HIVEP2: variants seen among roughly 807,000 people sequenced by gnomAD.
HIVEP2 encodes transcription factor HIVEP2.
A neutral mutation model predicts 180.7 loss-of-function variants in HIVEP2; 14 were observed. The observed-to-expected ratio is 0.08, with a 90% CI of 0.05 to 0.12. The LOEUF (loss-of-function observed/expected upper bound fraction) is 0.12, where lower values mean the gene tolerates loss of function less well. Among genes scored for constraint, HIVEP2 ranks in the 10% least tolerant of loss-of-function variants. The pLI, the probability that HIVEP2 is intolerant of heterozygous loss-of-function variation, is 1.00. For synonymous variants in HIVEP2, 1,184 were observed against 1,136.4 expected (o/e 1.04, Z -0.84); for missense variants, 2,579 against 3,008.5 (o/e 0.86, Z 3.34).
chr6:142,867,155 A>C (rs887588827), intron 1 of HIVEP2, among the ~76,000 whole-genome samples: 7 of 152,256 alleles, frequency 4.6e-5, no homozygotes, highest in African/African-American at 1.7e-4. Flanking sequence ...AGGAAGCATC[A>C]CTGTCTATAT....
At position 142,774,022 on chromosome 6, in the gene HIVEP2, A is replaced by C; in HGVS notation, c.717T>G (p.His239Gln). The C allele has an allele frequency of 6.2e-7, 1 of 1,614,280 alleles. No homozygotes were observed. Among genetic ancestry groups the C allele is most frequent in the East Asian group, 2.2e-5 (1 of 44,884 alleles). The change falls in exon 5 of 10, where the codon CAT becomes CAG. Residue 239 changes from histidine (H) to glutamine (Q), a missense_variant. By Grantham distance (24) the His-to-Gln change is conservative. Around this residue, in one of 11 missense-constraint regions of HIVEP2, gnomAD observed 142 missense variants for 135.2 expected, o/e 1.05. Coordinates refer to ENST00000367603, the MANE Select transcript of HIVEP2 (RefSeq NM_006734.4). The surrounding 1 kb of genome is among the most constrained non-coding windows in gnomAD (Gnocchi z 5.1). ...KSNLYKHRKS[H>Q]AHAIKAGLVP... ...CTAATCCTGCCTTAATTGCATGGGC[A>C]TGTGACTTCCTGTGCTTGTACAAAT...
rs546951996 is a variant in HIVEP2, at chr6:142,758,826, C to T, written c.6516+946G>A. ...TTCTCACTTAGCTCTCCTGATTTCC[C>T]GTTCTCCTTGGGCCCACGCTTCCAC... On this transcript the variant is annotated intron_variant, in intron 9 of 9. Transcript: ENST00000367603. 1.6e-4 allele frequency among the ~76,000 whole-genome samples: 25 copies of T among 152,178 alleles called. No individual in the cohort carries two copies. In the South Asian group the frequency reaches 4.0e-3, roughly 24 times the overall value.
chr6:142,926,346 A>G lies in HIVEP2; in HGVS notation c.-641+18753T>C, dbSNP rs536933664. Among the ~76,000 whole-genome samples, 5 of 152,356 alleles carry G rather than the reference A, an allele frequency of 3.3e-5. No homozygotes were observed. The East Asian group carries it at 9.6e-4, about 29-fold the overall frequency. On this transcript the variant is annotated intron_variant, in intron 1 of 9. Transcript: ENST00000367603. The stretch of plus-strand genomic sequence containing the variant: ...TCCCTAAATAACAACAGCTAAAATC[A>G]TGAACACTGAGATCATTTTCTTGTA...
At chr6:142,760,734 C>T in intron 8 of HIVEP2, 67 bp from the exon 9 acceptor site, 1 of 1,208,640 alleles carries the variant, frequency 8.3e-7, no homozygotes, top group Non-Finnish European at 1.1e-6. Context: ...CTTATTTAAG[C>T]CTCATTTCTT....
intron 1 of HIVEP2, among the ~76,000 whole-genome samples, chr6:142,931,441 C>T (rs1014716783): frequency 1.3e-5 from 2 of 151,748 alleles, no homozygotes; most frequent in African/African-American, 4.8e-5. Context: ...TTGAGCTCAG[C>T]CTAGTATCAG....
At chr6:142,848,721 T>C (rs1288266926) in intron 1 of HIVEP2, among the ~76,000 whole-genome samples, 1 of 119,912 alleles carries the variant, frequency 8.3e-6, no homozygotes, top group Non-Finnish European at 2.0e-5. Flanking sequence ...AAACACTGTC[T>C]CAAAAAAAAA....
At chr6:142,891,845 A>T (rs1309846983) in intron 1 of HIVEP2, among the ~76,000 whole-genome samples, 1 of 152,190 alleles carries the variant, frequency 6.6e-6, no homozygotes, top group Non-Finnish European at 1.5e-5. Flanking sequence ...AATCCCTCTT[A>T]ACAATATCTG....
Position 142,763,063 on chromosome 6 carries a change from T to G in HIVEP2, c.5519-1498A>C, listed in dbSNP as rs567254281. ...GGTATAGATGCTAAGCATATCGGGA[T>G]AGTTTATTTAGATTTTAGTATGTGT... On this transcript the variant is annotated intron_variant, in intron 7 of 9. Coordinates refer to ENST00000367603, the MANE Select transcript of HIVEP2 (RefSeq NM_006734.4). 2.6e-5 allele frequency among the ~76,000 whole-genome samples: 4 copies of G among 152,268 alleles called. 1 individual carries two copies. The South Asian group carries it at 8.3e-4, about 32-fold the overall frequency.
intron 9 of HIVEP2, among the ~76,000 whole-genome samples, chr6:142,754,648 T>C (rs1775018075): frequency 2.0e-5 from 3 of 152,336 alleles, no homozygotes; most frequent in Admixed American, 6.5e-5. Flanking sequence ...CTATCCATCA[T>C]AGAAGTAGTT....
In HIVEP2 at chr6:142,869,316, A is replaced by G. The variant is rs540581261; in HGVS notation, c.-640-32269T>C. ...CTTCCCTGAAAAATGAAGTGCATGT[A>G]GCCAAAAAAAAGTATATTATAGCTA... On this transcript the variant is annotated intron_variant, in intron 1 of 9. Transcript: ENST00000367603. 1.2e-4 allele frequency among the ~76,000 whole-genome samples: 19 copies of G among 152,320 alleles called. No individual in the cohort carries two copies. The South Asian group carries it at 3.7e-3, about 30-fold the overall frequency.
intron 4 of HIVEP2, among the ~76,000 whole-genome samples, chr6:142,775,916 CAT>C (rs1253124698): frequency 6.6e-6 from 1 of 150,644 alleles, no homozygotes; most frequent in Non-Finnish European, 1.5e-5. Context: ...ATATATGATA[CAT>C]GTTTTATAAA....
chr6:142,754,068 A>C (rs894413744), intron 9 of HIVEP2, 137 bp from the exon 10 acceptor site: 7 of 557,802 alleles, frequency 1.3e-5, no homozygotes, highest in Non-Finnish European at 2.2e-5. Context: ...TCTTTGATCA[A>C]GTTTTCCTAT....
chr6:142,938,647 C>T (rs1344730953), intron 1 of HIVEP2, among the ~76,000 whole-genome samples: 1 of 152,222 alleles, frequency 6.6e-6, no homozygotes, highest in Non-Finnish European at 1.5e-5. Flanking sequence ...CACATATGCA[C>T]GCTGTCAGAT....
chr6:142,761,623 T>C, intron 7 of HIVEP2, 58 bp from the exon 8 acceptor site: 1 of 896,026 alleles, frequency 1.1e-6, no homozygotes, highest in South Asian at 1.3e-5. Context: ...TAATAACTGC[T>C]GATAGCTGCT....
chr6:142,917,020 T>TA (rs1478085889), intron 1 of HIVEP2, among the ~76,000 whole-genome samples: 3 of 152,236 alleles, frequency 2.0e-5, no homozygotes, highest in Non-Finnish European at 2.9e-5. Context: ...TGGTTTACTG[T>TA]ATGTTAACTA....
chr6:142,882,120 G>A (rs979768786), intron 1 of HIVEP2, among the ~76,000 whole-genome samples: 5 of 152,182 alleles, frequency 3.3e-5, no homozygotes, highest in African/African-American at 1.2e-4. Flanking sequence ...CCAGTGAGCA[G>A]AGCTTATCCT....
intron 1 of HIVEP2, among the ~76,000 whole-genome samples, chr6:142,874,796 A>T (rs556693582): frequency 1.7e-4 from 26 of 152,250 alleles, no homozygotes; most frequent in African/African-American, 6.3e-4. Context: ...ACTGGATCAG[A>T]GGGCTTAGAG....
chr6:142,825,601 A>AT, intron 2 of HIVEP2, among the ~76,000 whole-genome samples: 1 of 152,246 alleles, frequency 6.6e-6, no homozygotes, highest in East Asian at 1.9e-4. Context: ...TCATTCTTAT[A>AT]TTTTATACAT....
intron 1 of HIVEP2, among the ~76,000 whole-genome samples, chr6:142,924,862 T>C (rs945220721): frequency 1.2e-4 from 18 of 152,210 alleles, no homozygotes; most frequent in Admixed American, 7.2e-4. Flanking sequence ...CTAATAAGTC[T>C]AAGGATCCTA....
Sources: allele counts gnomAD v4.1 joint callset (sites outside exome capture counted in the v4.1 genomes callset), GRCh38; gene constraint gnomAD v4.1.1; regional missense constraint gnomAD v4.1.1; non-coding constraint Gnocchi (gnomAD v3.1); transcripts MANE v1.5; gene names NCBI Gene and HGNC (gene_info 2026-07-23, HGNC 2026-07-21).